SPTBN4: variants seen among roughly 807,000 people sequenced by gnomAD.
The protein encoded by SPTBN4 is spectrin beta, non-erythrocytic 4.
A neutral mutation model predicts 277.8 loss-of-function variants in SPTBN4; 96 were observed. The ratio of observed to expected loss-of-function variants is 0.35; its 90% CI spans 0.29 to 0.41. The LOEUF is 0.41. Among genes scored for constraint, SPTBN4 ranks in the 10% least tolerant of loss-of-function variants. The pLI is 1.00. For missense variants in SPTBN4, 3,006 were observed against 3,595.7 expected, an observed-to-expected ratio of 0.84 and a Z score of 4.19; for synonymous variants, 1,481 against 1,580.3, an observed-to-expected ratio of 0.94 and a Z score of 1.49.
intron 12 of SPTBN4, among the ~76,000 whole-genome samples, chr19:40,504,844 T>G (rs1276079034): frequency 6.9e-6 from 1 of 144,538 alleles, no homozygotes; most frequent in Non-Finnish European, 1.5e-5. Context: ...AGAGTTTGAT[T>G]CTGTTTCAAA....
Position 40,502,558 on chromosome 19 carries a change from A to C in SPTBN4, c.1203+51A>C, listed in dbSNP as rs746738204. The C allele has an allele frequency of 2.0e-6, 3 of 1,533,988 alleles. No homozygotes were observed. Among genetic ancestry groups the C allele is most frequent in the Non-Finnish European group, 2.7e-6 (3 of 1,130,564 alleles). On this transcript the variant is annotated intron_variant, in intron 10 of 35. Coordinates refer to ENST00000598249, the MANE Select transcript of SPTBN4 (RefSeq NM_020971.3). The surrounding 1 kb of genome is among the most constrained non-coding windows in gnomAD (Gnocchi z 4.9). ...GCGGGGTTGCACTGTGGAGTTGTAT[A>C]GGTTGCACACTGCTCAAGGGAATCA...
At chr19:40,530,655 T>G (rs2145894591) in intron 18 of SPTBN4, 1 of 800,432 alleles carries the variant, frequency 1.2e-6, no homozygotes, top group Non-Finnish European at 1.5e-6. Context: ...GGGAGGGGGC[T>G]CGGGCGCGTG....
Position 40,549,405 on chromosome 19 carries a change from G to T in SPTBN4, c.4576G>T (p.Asp1526Tyr). 1 of 1,348,564 alleles carries T rather than the reference G, an allele frequency of 7.4e-7. No individual in the cohort carries two copies. Among genetic ancestry groups the T allele is most frequent in the South Asian group, 1.3e-5 (1 of 78,054 alleles). 83.5% of individuals were successfully genotyped at this position (1,348,564 alleles called of 1,614,324 possible). A position where few individuals can be genotyped will look rare whatever the true frequency, so the allele number is the denominator to read the frequency against. Residue 1526 changes from aspartate to tyrosine, a missense_variant, in exon 21 of 36, where the codon GAC becomes TAC. This residue lies in a region of SPTBN4 where 1,759 missense variants were observed against 2,061.5 expected (regional missense o/e 0.85). Transcript: ENST00000598249. ...ELHQVAHDLD[D>Y]ELAWVQERLP... Reference sequence around the variant, plus strand: ...GCACCAGGTGGCGCACGACCTGGACGACGAGCTGGTGAGGCCAGCGCAGGG... The same window carrying T: ...GCACCAGGTGGCGCACGACCTGGACTACGAGCTGGTGAGGCCAGCGCAGGG...
intron 2 of SPTBN4, among the ~76,000 whole-genome samples, chr19:40,487,159 C>T (rs913289836): frequency 6.6e-6 from 1 of 151,058 alleles, no homozygotes; most frequent in Non-Finnish European, 1.5e-5. Flanking sequence ...CCTCAGTCTC[C>T]CGAGTAGCTG....
Position 40,502,055 on chromosome 19 carries a change from G to A in SPTBN4, c.897+22G>A, listed in dbSNP as rs1599737207. 1 of 1,614,002 alleles carries A rather than the reference G, an allele frequency of 6.2e-7. No homozygotes were observed. Among genetic ancestry groups the A allele is most frequent in the East Asian group, 2.2e-5 (1 of 44,888 alleles). On this transcript the variant is annotated intron_variant, in intron 8 of 35. Transcript: ENST00000598249. This position sits in a 1 kb window ranked among gnomAD's most constrained non-coding sequence, Gnocchi z 4.9. ...GAAGGTATAAGGAGCCAAGGAGTGGGTGAGTGGGAAGCTGGAAGCTGGTGG... is the reference window on the plus strand; with the variant it reads ...GAAGGTATAAGGAGCCAAGGAGTGGATGAGTGGGAAGCTGGAAGCTGGTGG...
intron 19 of SPTBN4, 119 bp from the exon 20 acceptor site, chr19:40,533,961 C>G: frequency 7.6e-7 from 1 of 1,307,800 alleles, no homozygotes; most frequent in East Asian, 2.5e-5. Flanking sequence ...CTCCCACTCC[C>G]TGCCTCTGAT....
intron 31 of SPTBN4, among the ~76,000 whole-genome samples, 155 bp from the exon 32 acceptor site, chr19:40,569,502 G>T (rs991681517): frequency 6.6e-6 from 1 of 152,080 alleles, no homozygotes; most frequent in African/African-American, 2.4e-5. Flanking sequence ...AAACACCTGT[G>T]GTACCTAAGG....
intron 12 of SPTBN4, among the ~76,000 whole-genome samples, chr19:40,505,714 GGAA>G (rs2080319626): frequency 6.9e-6 from 1 of 144,520 alleles, no homozygotes; most frequent in East Asian, 2.0e-4. Flanking sequence ...AAGGAAGGAA[GGAA>G]GGAAGGAAGG....
Position 40,515,162 on chromosome 19 carries a change from A to T in SPTBN4, c.2766-149A>T, listed in dbSNP as rs183617861. 3.0e-4 allele frequency: 171 copies of T among 571,474 alleles called. 1 individual carries two copies. Among genetic ancestry groups the T allele is most frequent in the African/African-American group, 1.2e-3 (54 of 45,676 alleles). 35.4% of individuals were successfully genotyped at this position (571,474 alleles called of 1,614,324 possible). On this transcript the variant is annotated intron_variant, in intron 14 of 35. Coordinates refer to ENST00000598249, the MANE Select transcript of SPTBN4 (RefSeq NM_020971.3). This position sits in a 1 kb window ranked among gnomAD's most constrained non-coding sequence, Gnocchi z 4.1. ...TTAAATAAGTTAAATTAAATTAAAT[A>T]AAATAAGCAGCAAGTAGAAGAGAAG...
intron 2 of SPTBN4, among the ~76,000 whole-genome samples, chr19:40,474,583 C>T (rs1208242217): frequency 2.0e-5 from 3 of 151,920 alleles, no homozygotes. Context: ...GCATGCGCCA[C>T]CATGCCTGGC....
rs185735228 is a variant in SPTBN4 at position 40,547,041 on chromosome 19, T to A, written c.4360-2148T>A. On this transcript the variant is annotated intron_variant, in intron 20 of 35. Transcript: ENST00000598249. The stretch of plus-strand genomic sequence containing the variant: ...CAGAAGTATTTTTTAATTATTTTTT[T>A]AATTATACTTTAAATTCTAGGGTAC... Among the ~76,000 whole-genome samples, 983 of 150,226 alleles carry A rather than the reference T, an allele frequency of 6.5e-3. 21 individuals are homozygous for A. The highest frequency in any genetic ancestry group is 0.023 in the African/African-American group (933 of 40,760).
rs1294998316 is a variant in SPTBN4, at chr19:40,570,604, CGCTCCGCCCCGGCCCAGGGCG to C, written c.7206_7226del (p.Gln2404_Ala2410del). ...TGAGGGCGGGGGAAGCCGGCGCTCG[CGCTCCGCCCCGGCCCAGGGCG>C]GCTCCGCCCCCGCGCCTCCGCCACC... On this transcript the variant is annotated inframe_deletion, in exon 33 of 36. Transcript: ENST00000598249. 9 of 1,388,626 alleles carry C rather than the reference CGCTCCGCCCCGGCCCAGGGCG, an allele frequency of 6.5e-6. No individual in the cohort carries two copies. The highest frequency in any genetic ancestry group is 8.4e-6 in the Non-Finnish European group (9 of 1,070,948). 86.0% of individuals were successfully genotyped at this position (1,388,626 alleles called of 1,614,324 possible).
chr19:40,478,547 T>A (rs1022047893), intron 2 of SPTBN4, among the ~76,000 whole-genome samples: 2 of 151,952 alleles, frequency 1.3e-5, no homozygotes, highest in African/African-American at 2.4e-5. Context: ...GAAATTTTAT[T>A]TTATTTTATT....
At chr19:40,481,271 G>T (rs1418694179) in intron 2 of SPTBN4, among the ~76,000 whole-genome samples, 1 of 152,112 alleles carries the variant, frequency 6.6e-6, no homozygotes, top group Non-Finnish European at 1.5e-5. Context: ...GCTCAGGCTG[G>T]TCTCCAACTC....
In SPTBN4 at chr19:40,549,287, G is replaced by A; in HGVS notation, c.4458G>A (p.Val1486=). 3 of 1,544,308 alleles carry A rather than the reference G, an allele frequency of 1.9e-6. No homozygotes were observed. The highest frequency in any genetic ancestry group is 2.6e-6 in the Non-Finnish European group (3 of 1,146,402). ...TGGAGCCGGCGAGCAAGGAGCTGGT[G>A]GGTGAGCGGCAGAACGCGGTGGGCG... is the stretch of plus-strand genomic sequence containing the variant. ...LPLEPASKEL[V]GERQNAVGER... is the part of the protein sequence containing the mutation. Residue 1486 remains valine, a synonymous_variant, in exon 21 of 36, where the codon GTG becomes GTA. Transcript: ENST00000598249.
intron 14 of SPTBN4, 145 bp downstream of exon 14, chr19:40,513,699 T>C: frequency 1.1e-6 from 1 of 869,714 alleles, no homozygotes; most frequent in Non-Finnish European, 1.7e-6. Context: ...GTGACAGTTC[T>C]GCAACCTGCC....
At chr19:40,558,322 A>G (rs1168405339) in intron 26 of SPTBN4, among the ~76,000 whole-genome samples, 1 of 151,478 alleles carries the variant, frequency 6.6e-6, no homozygotes. Context: ...GCGCCACTGC[A>G]CTCCAGCCTG....
Position 40,513,306 on chromosome 19 carries a change from C to T in SPTBN4, c.2517C>T (p.Leu839=), listed in dbSNP as rs758640489. The change falls in exon 14 of 36, where the codon CTC becomes CTT. Residue 839 remains leucine, a synonymous_variant. Coordinates refer to ENST00000598249, the MANE Select transcript of SPTBN4 (RefSeq NM_020971.3). ...GCCTGCGGCGCCAGCTGGCGACACT[C>T]GGGGGTGCCAGTGGCGCAGGGCCAC... ...VSGLRRQLAT[L]GGASGAGPLV... is the part of the protein sequence containing the mutation. 6 of 1,562,390 alleles carry T rather than the reference C, an allele frequency of 3.8e-6. No individual in the cohort carries two copies. The highest frequency in any genetic ancestry group is 2.7e-5 in the African/African-American group (2 of 74,160).
At position 40,513,279 on chromosome 19, in the gene SPTBN4, C is replaced by G. The variant is rs1331454728; in HGVS notation, c.2490C>G (p.Ser830Arg). ...TGGAGGCACATCGCGGGCCCGTGAG[C>G]GGCCTGCGGCGCCAGCTGGCGACAC... The part of the protein sequence containing the change: ...GEVEAHRGPV[S>R]GLRRQLATLG... The change falls in exon 14 of 36, where the codon AGC becomes AGG. Residue 830 changes from serine (S) to arginine (R), a missense_variant. Physicochemically the swap from Ser to Arg is moderately radical, Grantham distance 110 (BLOSUM62 -1). Coordinates refer to ENST00000598249, the MANE Select transcript of SPTBN4 (RefSeq NM_020971.3). 1 of 1,536,538 alleles carries G rather than the reference C, an allele frequency of 6.5e-7. No individual in the cohort carries two copies. The highest frequency in any genetic ancestry group is 1.2e-5 in the South Asian group (1 of 83,052).
Sources: gnomAD v4.1 joint callset for allele counts (sites outside exome capture counted in the v4.1 genomes callset) on GRCh38, gnomAD v4.1.1 for gene constraint, gnomAD v4.1.1 regional missense constraint, Gnocchi (gnomAD v3.1) non-coding constraint, MANE v1.5 for transcripts, NCBI Gene and HGNC (gene_info 2026-07-23, HGNC 2026-07-21) for gene names.